PRKX: variants seen among roughly 807,000 people sequenced by gnomAD.
The protein encoded by PRKX is protein kinase cAMP-dependent X-linked catalytic subunit.
Under a neutral mutation model 22.0 loss-of-function variants are expected in PRKX, and 12 were observed. That is an observed-to-expected ratio of 0.54 (90% CI 0.35 to 0.88). The LOEUF (loss-of-function observed/expected upper bound fraction) is 0.88. PRKX is among the 40% of genes least tolerant of loss of function. PRKX has a pLI of 0.01. For synonymous variants in PRKX, 134 were observed against 137.7 expected (o/e 0.97, Z 0.19); for missense variants, 217 against 308.0 (o/e 0.70, Z 2.21).
intron 1 of PRKX, among the ~76,000 whole-genome samples, chrX:3,676,440 T>A (rs1294064462): frequency 9.0e-6 from 1 of 111,685 alleles, no homozygotes; most frequent in African/African-American, 3.3e-5. Flanking sequence ...TGCACTCCCA[T>A]GTTTATGACA....
intron 4 of PRKX, among the ~76,000 whole-genome samples, chrX:3,634,913 A>T (rs1926857186): frequency 9.0e-6 from 1 of 111,445 alleles, no homozygotes; most frequent in South Asian, 3.8e-4. Context: ...TATGTTGCCC[A>T]GGCTGGCCTC....
intron 1 of PRKX, among the ~76,000 whole-genome samples, chrX:3,690,908 TC>T (rs1928310962): frequency 8.9e-6 from 1 of 112,303 alleles, no homozygotes; most frequent in Admixed American, 9.5e-5. Context: ...TGAGTGCAAC[TC>T]TACCAAGAAA....
At position 3,605,057 on chromosome X, in the gene PRKX, A is replaced by ACC. The variant is rs1398939929; in HGVS notation, c.*3911_*3912insGG. ...CACACACACACACACACACACACAC[A>ACC]CACCCCGCAAAGAAACTATCCAAAT... On this transcript the variant is annotated 3_prime_UTR_variant, in exon 9 of 9. Transcript: ENST00000262848. The ACC allele has an allele frequency of 1.2e-5, 1 of 80,291 alleles. No individual in the cohort carries two copies. Among genetic ancestry groups the ACC allele is most frequent in the African/African-American group, 4.8e-5 (1 of 20,763 alleles). 6.6% of individuals were successfully genotyped at this position (80,291 alleles called of 1,213,427 possible). A position where few individuals can be genotyped will look rare whatever the true frequency, so the allele number is the denominator to read the frequency against.
chrX:3,649,246 T>C (rs190341258), intron 3 of PRKX, among the ~76,000 whole-genome samples: 9 of 110,761 alleles, frequency 8.1e-5, no homozygotes, highest in Admixed American at 7.8e-4. Context: ...AAAACAATTC[T>C]GGTCTGAAGT....
Position 3,654,628 on chromosome X carries a change from C to T in PRKX, c.599+521G>A, listed in dbSNP as rs755362747. On this transcript the variant is annotated intron_variant, in intron 3 of 8. Coordinates refer to ENST00000262848, the MANE Select transcript of PRKX (RefSeq NM_005044.5). ...TAGCTGGGACTACAGGGATCCACCA[C>T]CATAATCAACTTTTTTTTAAATATA... 1.6e-4 allele frequency among the ~76,000 whole-genome samples: 17 copies of T among 106,543 alleles called. No homozygotes were observed. In the South Asian group the frequency reaches 5.0e-3, roughly 31 times the overall value. The allele number at this position is 106,543 out of a possible 115,157, so 92.5% of individuals were successfully genotyped here.
At chrX:3,680,074 C>T (rs1282239867) in intron 1 of PRKX, among the ~76,000 whole-genome samples, 1 of 110,949 alleles carries the variant, frequency 9.0e-6, no homozygotes, top group Non-Finnish European at 1.9e-5. Context: ...TCCTCCCCTA[C>T]CCTATCCATC....
chrX:3,673,878 C>G (rs1370702927), intron 2 of PRKX, among the ~76,000 whole-genome samples: 1 of 110,391 alleles, frequency 9.1e-6, no homozygotes, highest in Non-Finnish European at 1.9e-5. Context: ...TAAAAGGGAC[C>G]CCAGAGAGAT....
intron 6 of PRKX, among the ~76,000 whole-genome samples, chrX:3,618,050 CA>C (rs755608512): frequency 0.029 from 1,735 of 60,599 alleles, 79 homozygotes; most frequent in African/African-American, 0.11. Context: ...TGCTGTGTCT[CA>C]AAAAAAAAAA....
At chrX:3,630,547 A>AAG (rs957623932) in intron 4 of PRKX, among the ~76,000 whole-genome samples, 4 of 111,846 alleles carry the variant, frequency 3.6e-5, no homozygotes, top group Non-Finnish European at 7.5e-5. Flanking sequence ...GCGACAGAGC[A>AAG]AGACTCTGTC....
At position 3,606,311 on chromosome X, in the gene PRKX, C is replaced by T. The variant is rs1483219975; in HGVS notation, c.*2658G>A. 2 of 112,604 alleles carry T rather than the reference C, an allele frequency of 1.8e-5. No individual in the cohort carries two copies. The highest frequency in any genetic ancestry group is 3.8e-5 in the Non-Finnish European group (2 of 53,323). The allele number at this position is 112,604 out of a possible 1,213,427, so 9.3% of individuals were successfully genotyped here. On this transcript the variant is annotated 3_prime_UTR_variant, in exon 9 of 9. Transcript: ENST00000262848. ...TGATCATCCATGCGGACATTTCGCA[C>T]CGTGATTGTTTCGTGATCGTCCATG...
At chrX:3,659,850 G>A (rs1408482648) in intron 2 of PRKX, among the ~76,000 whole-genome samples, 1 of 108,147 alleles carries the variant, frequency 9.2e-6, no homozygotes, top group Non-Finnish European at 1.9e-5. Flanking sequence ...TCAGCCTCCC[G>A]AGTAGCTGGG....
At chrX:3,684,705 G>A (rs918932534) in intron 1 of PRKX, among the ~76,000 whole-genome samples, 1 of 111,671 alleles carries the variant, frequency 9.0e-6, no homozygotes, top group Non-Finnish European at 1.9e-5. Flanking sequence ...GGCAGGGCTG[G>A]TTCCTCCTGA....
At chrX:3,698,247 T>G (rs1045643678) in intron 1 of PRKX, among the ~76,000 whole-genome samples, 1 of 112,102 alleles carries the variant, frequency 8.9e-6, no homozygotes, top group Non-Finnish European at 1.9e-5. Flanking sequence ...TCGTATATGC[T>G]GGCATACCAC....
At chrX:3,706,645 G>A (rs774587522) in intron 1 of PRKX, among the ~76,000 whole-genome samples, 2 of 112,007 alleles carry the variant, frequency 1.8e-5, no homozygotes, top group South Asian at 7.4e-4. Flanking sequence ...TCCTGGTGGG[G>A]GGTGTCTGCT....
intron 1 of PRKX, among the ~76,000 whole-genome samples, chrX:3,711,136 G>C: frequency 9.0e-6 from 1 of 111,391 alleles, no homozygotes. Flanking sequence ...GTTGTCATGA[G>C]AGAGTGTTCC....
intron 1 of PRKX, among the ~76,000 whole-genome samples, chrX:3,686,309 T>G (rs776572895): frequency 9.0e-6 from 1 of 111,113 alleles, no homozygotes; most frequent in Non-Finnish European, 1.9e-5. Context: ...AACATAAGTC[T>G]TAAGATGCCC....
rs1465751820 is a variant in PRKX, at chrX:3,604,560, G to T, written c.*4409C>A. 1 of 112,343 alleles carries T rather than the reference G, an allele frequency of 8.9e-6. No individual in the cohort carries two copies. Among genetic ancestry groups the T allele is most frequent in the Non-Finnish European group, 1.9e-5 (1 of 53,187 alleles). 9.3% of individuals were successfully genotyped at this position (112,343 alleles called of 1,213,427 possible). On this transcript the variant is annotated 3_prime_UTR_variant, in exon 9 of 9. Coordinates refer to ENST00000262848, the MANE Select transcript of PRKX (RefSeq NM_005044.5). ...CCATGAGAAGGGGTCACCCCGCGGG[G>T]TTCCCAGTTCTGGCTCGCCAAGGGG...
intron 1 of PRKX, among the ~76,000 whole-genome samples, chrX:3,680,126 TG>T (rs1928041112): frequency 9.3e-6 from 1 of 107,121 alleles, no homozygotes; most frequent in Admixed American, 9.9e-5. Flanking sequence ...AAACACATCC[TG>T]GCCTGTTGTT....
At chrX:3,665,818 A>T (rs1266249387) in intron 2 of PRKX, among the ~76,000 whole-genome samples, 2 of 109,728 alleles carry the variant, frequency 1.8e-5, no homozygotes, top group African/African-American at 6.6e-5. Flanking sequence ...TAGAGCAGAG[A>T]GTACGAGGGA....
Sources: allele counts gnomAD v4.1 joint callset (sites outside exome capture counted in the v4.1 genomes callset), GRCh38; gene constraint gnomAD v4.1.1; transcripts MANE v1.5; gene names NCBI Gene and HGNC (gene_info 2026-07-23, HGNC 2026-07-21).